Variants in ZFAT observed in about 807,000 individuals in gnomAD.
The protein encoded by ZFAT is zinc finger protein ZFAT.
ZFAT carries 64 observed loss-of-function variants against 117.7 expected under a neutral mutation model. That is an observed-to-expected ratio of 0.54 (90% CI 0.44 to 0.67). The LOEUF (loss-of-function observed/expected upper bound fraction) is 0.67, where lower values mean the gene tolerates loss of function less well. Among genes scored for constraint, ZFAT ranks in the 30% least tolerant of loss-of-function variants. The pLI, the probability that ZFAT is intolerant of heterozygous loss-of-function variation, is 0.00. For missense variants in ZFAT, 1,433 were observed against 1,584.5 expected, an observed-to-expected ratio of 0.90 and a Z score of 1.62; for synonymous variants, 679 against 615.0, an observed-to-expected ratio of 1.10 and a Z score of -1.54.
intron 10 of ZFAT, among the ~76,000 whole-genome samples, chr8:134,568,884 T>A (rs1443823254): frequency 6.6e-6 from 1 of 152,148 alleles, no homozygotes; most frequent in East Asian, 1.9e-4. Flanking sequence ...ATCAGATGGC[T>A]TTCTATCAAG....
chr8:134,637,751 G>A (rs1331754265), intron 2 of ZFAT, 39 bp from the exon 3 acceptor site: 1 of 1,597,886 alleles, frequency 6.3e-7, no homozygotes, highest in Non-Finnish European at 8.5e-7. Flanking sequence ...AATCACGTGA[G>A]ACGGCAGTGC....
At chr8:134,497,249 A>G (rs1025857687) in intron 15 of ZFAT, among the ~76,000 whole-genome samples, 1 of 152,230 alleles carries the variant, frequency 6.6e-6, no homozygotes. Context: ...CTGTGATGTA[A>G]TGATACTTCT....
chr8:134,526,833 CTTTTTT>C (rs33917847), intron 12 of ZFAT, among the ~76,000 whole-genome samples: 1 of 151,448 alleles, frequency 6.6e-6, no homozygotes, highest in African/African-American at 2.4e-5. Context: ...AGTTCATATT[CTTTTTT>C]TTTATTTTTT....
chr8:134,540,538 C>A (rs980834505), intron 11 of ZFAT, among the ~76,000 whole-genome samples: 8 of 152,194 alleles, frequency 5.3e-5, no homozygotes, highest in African/African-American at 1.9e-4. Flanking sequence ...AGGCTGCCTG[C>A]CTGCAGCATG....
chr8:134,623,188 C>A (rs1829253138), intron 3 of ZFAT, among the ~76,000 whole-genome samples: 1 of 152,184 alleles, frequency 6.6e-6, no homozygotes, highest in African/African-American at 2.4e-5. Context: ...ACGAGGCACA[C>A]CCCCAATCAA....
chr8:134,637,955 C>T (rs1830327278), intron 2 of ZFAT, among the ~76,000 whole-genome samples: 2 of 152,290 alleles, frequency 1.3e-5, no homozygotes, highest in East Asian at 1.9e-4. Flanking sequence ...TTATCAGCAT[C>T]GCTGTACATC....
At chr8:134,802,041 G>A in the ZFAT span, among the ~76,000 whole-genome samples, 24 of 152,302 alleles carry the variant, frequency 1.6e-4, 1 homozygote, top group Non-Finnish European at 2.9e-4. Context: ...TAATTCTGAT[G>A]CAAGCTGATA....
At chr8:134,800,847 A>C in the ZFAT span, among the ~76,000 whole-genome samples, 6 of 152,084 alleles carry the variant, frequency 3.9e-5, no homozygotes, top group African/African-American at 1.4e-4. Context: ...TGCCCGGCTA[A>C]TTTTTCTTAT....
chr8:134,705,591 G>T (rs183678225), intron 1 of ZFAT, among the ~76,000 whole-genome samples: 2 of 150,944 alleles, frequency 1.3e-5, no homozygotes, highest in Admixed American at 1.3e-4. Context: ...GTTCAGTGGT[G>T]CAATTTCAGC....
At chr8:134,790,979 G>A in the ZFAT span, among the ~76,000 whole-genome samples, 7 of 152,250 alleles carry the variant, frequency 4.6e-5, no homozygotes, top group South Asian at 6.2e-4. Flanking sequence ...CATGCCATGC[G>A]ATAGAGCAAG....
chr8:134,646,109 T>C (rs1830875727), intron 2 of ZFAT, among the ~76,000 whole-genome samples: 1 of 151,946 alleles, frequency 6.6e-6, no homozygotes. Context: ...CTCAGGAGGC[T>C]GAGGCAGGAG....
chr8:134,825,856 T>C, the ZFAT span, among the ~76,000 whole-genome samples: 1 of 151,868 alleles, frequency 6.6e-6, no homozygotes, highest in African/African-American at 2.4e-5. Flanking sequence ...CCTTCTCTAC[T>C]AAAAATACAA....
intron 1 of ZFAT, 49 bp downstream of exon 1, chr8:134,712,796 C>T: frequency 1.5e-6 from 2 of 1,351,498 alleles, no homozygotes; most frequent in African/African-American, 1.5e-5. Flanking sequence ...GCGCGCCGCG[C>T]CGCGCCCCAC....
chr8:134,766,392 A>T, the ZFAT span: 1 of 152,240 alleles, frequency 6.6e-6, no homozygotes, highest in African/African-American at 2.4e-5. Context: ...AAGTGTTTAC[A>T]AAAGTAGAGA....
chr8:134,746,253 C>T, the ZFAT span, among the ~76,000 whole-genome samples: 1 of 152,202 alleles, frequency 6.6e-6, no homozygotes, highest in African/African-American at 2.4e-5. Flanking sequence ...GGTTTTCTCA[C>T]CATTCCTCAC....
chr8:134,729,680 G>T, the ZFAT span, among the ~76,000 whole-genome samples: 2 of 152,078 alleles, frequency 1.3e-5, no homozygotes, highest in Non-Finnish European at 2.9e-5. Flanking sequence ...GCAGCTCCCT[G>T]TTACTACACC....
rs57195425 is a variant in ZFAT, at chr8:134,624,180, GCACACACA to G, written c.448+13273_448+13280del. On this transcript the variant is annotated intron_variant, in intron 3 of 15. Coordinates refer to ENST00000377838, the MANE Select transcript of ZFAT (RefSeq NM_020863.4). ...CTAACGTGCAGGCACATGTGCACAT[GCACACACA>G]CACACACACACACACACACACACAC... Among the ~76,000 whole-genome samples the G allele has an allele frequency of 5.9e-3, 857 of 146,282 alleles. 3 individuals carry two copies. The highest frequency in any genetic ancestry group is 8.5e-3 in the Non-Finnish European group (568 of 66,706).
Position 134,661,429 on chromosome 8 carries a change from C to T in ZFAT, c.20-3692G>A, listed in dbSNP as rs542056711. Among the ~76,000 whole-genome samples the T allele has an allele frequency of 2.4e-4, 37 of 152,330 alleles. 1 individual carries two copies. The highest frequency in any genetic ancestry group is 7.2e-4 in the Admixed American group (11 of 15,304). On this transcript the variant is annotated intron_variant, in intron 1 of 15. Transcript: ENST00000377838. ...GGCTGGCCCTGAAGGAGAGGCCCCA[C>T]GTGCCTGAGCTGTGCCAGCTCCCCT...
the ZFAT span, among the ~76,000 whole-genome samples, chr8:134,737,806 C>G: frequency 6.6e-6 from 1 of 152,198 alleles, no homozygotes; most frequent in African/African-American, 2.4e-5. Flanking sequence ...CAACCAGAAC[C>G]TCTATCTCTC....
Sources: gnomAD v4.1 joint callset for allele counts (sites outside exome capture counted in the v4.1 genomes callset) on GRCh38, gnomAD v4.1.1 for gene constraint, MANE v1.5 for transcripts, NCBI Gene and HGNC (gene_info 2026-07-23, HGNC 2026-07-21) for gene names.